The following CTNNA3 variants were observed in gnomAD, a reference collection of about 807,000 sequenced individuals.
CTNNA3 encodes catenin alpha 3.
CTNNA3 carries 76 observed loss-of-function variants against 95.7 expected under a neutral mutation model. That is an observed-to-expected ratio of 0.79 (90% CI 0.66 to 0.96). The LOEUF (loss-of-function observed/expected upper bound fraction) is 0.96, where lower values mean the gene tolerates loss of function less well. Among genes scored for constraint, CTNNA3 ranks in the 40% least tolerant of loss-of-function variants. The probability of loss-of-function intolerance (pLI) is 0.00; values close to 1 mark genes in which losing one functional copy is unlikely to be tolerated. For synonymous variants in CTNNA3, 431 were observed against 374.4 expected, an observed-to-expected ratio of 1.15 and a Z score of -1.74; for missense variants, 1,191 against 1,089.8, an observed-to-expected ratio of 1.09 and a Z score of -1.31.
chr10:65,926,902 A>G (rs1056097503), intron 17 of CTNNA3, among the ~76,000 whole-genome samples: 6 of 152,146 alleles, frequency 3.9e-5, no homozygotes, highest in Admixed American at 3.3e-4. Context: ...ATATTCTCCT[A>G]TGGTTACAGC....
At chr10:66,532,467 G>GAAAA (rs56400755) in intron 10 of CTNNA3, among the ~76,000 whole-genome samples, 1 of 136,012 alleles carries the variant, frequency 7.4e-6, no homozygotes, top group Non-Finnish European at 1.6e-5. Context: ...GTCTCAAAAA[G>GAAAA]AAAAAAAAAA....
At chr10:67,556,812 G>A (rs909480524) in intron 3 of CTNNA3, among the ~76,000 whole-genome samples, 14 of 151,928 alleles carry the variant, frequency 9.2e-5, no homozygotes, top group Admixed American at 1.3e-4. Context: ...GAATGTGTTC[G>A]CTCTTGCTTC....
At chr10:67,438,818 G>C (rs1589290400) in intron 5 of CTNNA3, among the ~76,000 whole-genome samples, 3 of 152,312 alleles carry the variant, frequency 2.0e-5, no homozygotes, top group African/African-American at 7.2e-5. Context: ...AGAGAGCAAA[G>C]CCATGCTGGG....
intron 13 of CTNNA3, among the ~76,000 whole-genome samples, chr10:66,217,021 T>G (rs2088586733): frequency 6.6e-6 from 1 of 152,144 alleles, no homozygotes; most frequent in Non-Finnish European, 1.5e-5. Context: ...ACCACTTACT[T>G]GTTCTCTATT....
chr10:67,107,231 T>C (rs1344383310), intron 7 of CTNNA3, among the ~76,000 whole-genome samples: 2 of 152,244 alleles, frequency 1.3e-5, no homozygotes, highest in Non-Finnish European at 2.9e-5. Flanking sequence ...TTTGTCCTGA[T>C]TGCCTAAAAG....
chr10:67,353,634 C>T (rs1314569132), intron 5 of CTNNA3, among the ~76,000 whole-genome samples: 2 of 151,898 alleles, frequency 1.3e-5, no homozygotes, highest in Admixed American at 1.3e-4. Flanking sequence ...ATTAAAGTCA[C>T]TTCTTAGGTG....
intron 1 of CTNNA3, among the ~76,000 whole-genome samples, chr10:67,720,961 A>T (rs1287082856): frequency 6.6e-6 from 1 of 152,146 alleles, no homozygotes; most frequent in Admixed American, 6.5e-5. Context: ...CTCAGAAAAA[A>T]AAATGTTGAA....
At chr10:67,727,756 T>C (rs981282445) in intron 1 of CTNNA3, among the ~76,000 whole-genome samples, 8 of 125,440 alleles carry the variant, frequency 6.4e-5, no homozygotes, top group African/African-American at 2.5e-4. Context: ...TTACTTATAT[T>C]ATATATTATA....
intron 17 of CTNNA3, 136 bp downstream of exon 17, chr10:65,966,476 T>C: frequency 1.6e-6 from 1 of 606,768 alleles, no homozygotes; most frequent in African/African-American, 1.9e-5. Context: ...TAAATACATG[T>C]ACTTTTAATA....
chr10:67,434,209 T>C (rs962144573), intron 5 of CTNNA3, among the ~76,000 whole-genome samples: 5 of 151,996 alleles, frequency 3.3e-5, no homozygotes, highest in African/African-American at 1.2e-4. Context: ...ATCCTAAGTG[T>C]TTCTGTTAAC....
intron 11 of CTNNA3, among the ~76,000 whole-genome samples, chr10:66,416,044 A>T (rs564734301): frequency 6.6e-6 from 1 of 152,196 alleles, no homozygotes; most frequent in African/African-American, 2.4e-5. Flanking sequence ...AGAATTCTAA[A>T]AAAACAAAAC....
At chr10:66,469,357 G>A (rs1839044714) in intron 11 of CTNNA3, among the ~76,000 whole-genome samples, 1 of 151,856 alleles carries the variant, frequency 6.6e-6, no homozygotes, top group Non-Finnish European at 1.5e-5. Context: ...ACAAAGGGTA[G>A]AGAATAAGCA....
At chr10:66,451,835 C>G (rs1474251404) in intron 11 of CTNNA3, among the ~76,000 whole-genome samples, 1 of 152,164 alleles carries the variant, frequency 6.6e-6, no homozygotes, top group Non-Finnish European at 1.5e-5. Flanking sequence ...AATGCTAACT[C>G]CTACTTCCTA....
chr10:66,404,042 T>G (rs1379619199), intron 11 of CTNNA3, among the ~76,000 whole-genome samples: 1 of 152,146 alleles, frequency 6.6e-6, no homozygotes, highest in East Asian at 1.9e-4. Flanking sequence ...CCTTCTCAAT[T>G]GCTCCTACAG....
At chr10:67,208,331 A>C (rs967637385) in intron 6 of CTNNA3, among the ~76,000 whole-genome samples, 2 of 148,662 alleles carry the variant, frequency 1.3e-5, no homozygotes, top group Non-Finnish European at 3.0e-5. Flanking sequence ...GTGAGCCGAG[A>C]TCGTGCCACT....
intron 7 of CTNNA3, among the ~76,000 whole-genome samples, chr10:67,152,823 G>T (rs1352601112): frequency 6.6e-6 from 1 of 152,110 alleles, no homozygotes; most frequent in African/African-American, 2.4e-5. Flanking sequence ...TTTCCAGAAG[G>T]AATCTAAGTT....
chr10:66,894,820 C>T (rs1216533379), intron 7 of CTNNA3, among the ~76,000 whole-genome samples: 1 of 151,598 alleles, frequency 6.6e-6, no homozygotes, highest in Non-Finnish European at 1.5e-5. Context: ...ATAATTAAAA[C>T]CAATTAGCTG....
intron 12 of CTNNA3, among the ~76,000 whole-genome samples, chr10:66,347,995 A>T (rs1252523641): frequency 6.6e-6 from 1 of 152,142 alleles, no homozygotes; most frequent in Non-Finnish European, 1.5e-5. Flanking sequence ...CCAAAACAGT[A>T]TAAATAAAAA....
intron 5 of CTNNA3, among the ~76,000 whole-genome samples, chr10:67,435,469 G>C (rs1398294359): frequency 6.6e-6 from 1 of 151,982 alleles, no homozygotes; most frequent in Non-Finnish European, 1.5e-5. Context: ...GGAAGTCCTA[G>C]CGAGAGCAAT....
Sources: allele counts gnomAD v4.1 joint callset (sites outside exome capture counted in the v4.1 genomes callset), GRCh38; gene constraint gnomAD v4.1.1; transcripts MANE v1.5; gene names NCBI Gene and HGNC (gene_info 2026-07-23, HGNC 2026-07-21).